VPS13A: variants seen among roughly 807,000 people sequenced by gnomAD.
VPS13A encodes the protein intermembrane lipid transfer protein VPS13A.
Under a neutral mutation model 390.9 loss-of-function variants are expected in VPS13A, and 264 were observed. The ratio of observed to expected loss-of-function variants is 0.68; its 90% confidence interval spans 0.61 to 0.75. VPS13A has a LOEUF of 0.75. Ranked by LOEUF, VPS13A falls within the 30% of genes least tolerant of loss-of-function variation. The pLI is 0.00. For synonymous variants in VPS13A, 1,231 were observed against 1,227.1 expected (o/e 1.00, Z -0.07); for missense variants, 3,409 against 3,733.9 (o/e 0.91, Z 2.27).
intron 68 of VPS13A, among the ~76,000 whole-genome samples, chr9:77,402,241 G>T (rs1834424603): frequency 6.6e-6 from 1 of 152,010 alleles, no homozygotes; most frequent in Non-Finnish European, 1.5e-5. Context: ...GAGTCATCCT[G>T]CTATTTTAGT....
Position 77,280,158 on chromosome 9 carries a change from G to C in VPS13A, c.2825-1G>C. 1 of 1,603,026 alleles carries C rather than the reference G, an allele frequency of 6.2e-7. No individual in the cohort carries two copies. Among genetic ancestry groups the C allele is most frequent in the Non-Finnish European group, 8.5e-7 (1 of 1,173,000 alleles). ...GATAATTTTTAAAAAATTATTTTTA[G>C]ATGAAAACAAGAAACCAGTTTATTT... On this transcript the variant is annotated splice_acceptor_variant, in intron 26 of 71. Transcript: ENST00000360280. LOFTEE classifies it high-confidence loss of function.
intron 1 of VPS13A, among the ~76,000 whole-genome samples, chr9:77,180,125 AGATTATTCCTAAACATCCACCTTTTGG>A: frequency 6.6e-6 from 1 of 152,296 alleles, no homozygotes; most frequent in Admixed American, 6.5e-5. Flanking sequence ...CTGGATGTTT[AGATTATTCCTAAACATCCACCTTTTGG>A]ATATTATGAA....
At chr9:77,355,805 G>T (rs139198745) in intron 54 of VPS13A, among the ~76,000 whole-genome samples, 1 of 152,066 alleles carries the variant, frequency 6.6e-6, no homozygotes, top group African/African-American at 2.4e-5. Context: ...ATCTGTGCTG[G>T]TTCTACCTTC....
chr9:77,285,266 A>T (rs1214364845), intron 31 of VPS13A, among the ~76,000 whole-genome samples: 1 of 152,088 alleles, frequency 6.6e-6, no homozygotes, highest in African/African-American at 2.4e-5. Flanking sequence ...TTGTACAGCG[A>T]TATATATTAT....
At chr9:77,311,948 T>C (rs145070413) in intron 35 of VPS13A, among the ~76,000 whole-genome samples, 22 of 152,324 alleles carry the variant, frequency 1.4e-4, no homozygotes, top group African/African-American at 5.1e-4. Flanking sequence ...ATTAAGAAGT[T>C]GTTTGAACTG....
intron 31 of VPS13A, among the ~76,000 whole-genome samples, chr9:77,288,310 T>G (rs903262884): frequency 2.0e-5 from 3 of 152,194 alleles, no homozygotes; most frequent in Non-Finnish European, 4.4e-5. Flanking sequence ...CTTTTAAGAT[T>G]CCTTCCTTCT....
At chr9:77,326,939 C>T (rs79497530) in intron 45 of VPS13A, among the ~76,000 whole-genome samples, 1 of 152,170 alleles carries the variant, frequency 6.6e-6, no homozygotes, top group Non-Finnish European at 1.5e-5. Context: ...GTCCGTACAG[C>T]TCTTGCCTCT....
At position 77,406,001 on chromosome 9, in the gene VPS13A, A is replaced by ATTTAT. The variant is rs771324866; in HGVS notation, c.9399+18_9399+22dup. On this transcript the variant is annotated intron_variant, in intron 70 of 71. Transcript: ENST00000360280. ...ATTGAAGCAAAGGTATGTTGAATAG[A>ATTTAT]TTTATTTTTTGAAAACTTGGAACTG... 1.9e-6 allele frequency: 3 copies of ATTTAT among 1,612,968 alleles called. No homozygotes were observed. Among genetic ancestry groups the ATTTAT allele is most frequent in the African/African-American group, 2.7e-5 (2 of 74,920 alleles).
chr9:77,367,679 C>T (rs1043608651), intron 61 of VPS13A, among the ~76,000 whole-genome samples: 3 of 152,156 alleles, frequency 2.0e-5, no homozygotes, highest in South Asian at 2.1e-4. Flanking sequence ...CCTGGCCATT[C>T]GTGAGCAACC....
chr9:77,341,038 T>C (rs555442674), intron 50 of VPS13A, among the ~76,000 whole-genome samples: 2 of 152,332 alleles, frequency 1.3e-5, no homozygotes, highest in East Asian at 3.9e-4. Context: ...ATTTTATTTT[T>C]GAAGAACTTT....
At chr9:77,318,633 A>G in intron 41 of VPS13A, 42 bp downstream of exon 41, 2 of 1,405,372 alleles carry the variant, frequency 1.4e-6, no homozygotes, top group Non-Finnish European at 1.0e-6. Context: ...AATGATACGT[A>G]TGGAATATTA....
intron 35 of VPS13A, among the ~76,000 whole-genome samples, chr9:77,308,696 A>G (rs1385065424): frequency 6.6e-6 from 1 of 152,198 alleles, no homozygotes; most frequent in Admixed American, 6.5e-5. Context: ...GCACCAGCGC[A>G]TACAGAGGGT....
At chr9:77,317,954 T>C (rs760765245) in intron 40 of VPS13A, among the ~76,000 whole-genome samples, 2 of 151,902 alleles carry the variant, frequency 1.3e-5, no homozygotes, top group Non-Finnish European at 2.9e-5. Flanking sequence ...TACTTTATAC[T>C]TCATCAGTTT....
intron 1 of VPS13A, among the ~76,000 whole-genome samples, chr9:77,190,412 A>G (rs1824604407): frequency 6.6e-6 from 1 of 152,164 alleles, no homozygotes; most frequent in Non-Finnish European, 1.5e-5. Flanking sequence ...TGTATATTGA[A>G]CCAACTTTGC....
intron 67 of VPS13A, among the ~76,000 whole-genome samples, chr9:77,377,910 ATAAT>A (rs952332880): frequency 1.3e-5 from 2 of 152,190 alleles, no homozygotes; most frequent in African/African-American, 4.8e-5. Context: ...CTTTTTCTGT[ATAAT>A]TAAGTTGATA....
intron 1 of VPS13A, among the ~76,000 whole-genome samples, chr9:77,178,956 C>A (rs964873176): frequency 6.6e-6 from 1 of 152,216 alleles, no homozygotes; most frequent in African/African-American, 2.4e-5. Context: ...AAGAATGTTA[C>A]TACCGTGGGG....
chr9:77,272,062 G>A (rs1826382049), intron 23 of VPS13A, among the ~76,000 whole-genome samples: 2 of 152,102 alleles, frequency 1.3e-5, no homozygotes, highest in Non-Finnish European at 2.9e-5. Flanking sequence ...AAAAAATGCT[G>A]CTGCTGCTTC....
At chr9:77,343,366 A>G (rs948130493) in intron 50 of VPS13A, among the ~76,000 whole-genome samples, 1 of 152,182 alleles carries the variant, frequency 6.6e-6, no homozygotes, top group African/African-American at 2.4e-5. Context: ...TAGCTCTAAC[A>G]ACCAGGTTCT....
intron 24 of VPS13A, among the ~76,000 whole-genome samples, chr9:77,275,159 A>G (rs1053318497): frequency 6.6e-6 from 1 of 152,124 alleles, no homozygotes; most frequent in Admixed American, 6.6e-5. Flanking sequence ...CATGGTGTGT[A>G]TAATCATCGG....
Sources: allele counts gnomAD v4.1 joint callset (sites outside exome capture counted in the v4.1 genomes callset), GRCh38; gene constraint gnomAD v4.1.1; transcripts MANE v1.5; gene names NCBI Gene and HGNC (gene_info 2026-07-23, HGNC 2026-07-21).